The following RIMS2 variants were observed in gnomAD, a reference collection of about 807,000 sequenced individuals.
RIMS2 encodes regulating synaptic membrane exocytosis 2.
RIMS2 carries 59 observed loss-of-function variants against 174.4 expected under a neutral mutation model. The ratio of observed to expected loss-of-function variants is 0.34; its 90% CI spans 0.27 to 0.42. The LOEUF is 0.42. Among genes scored for constraint, RIMS2 ranks in the 10% least tolerant of loss-of-function variants. The pLI is 1.00. For synonymous variants in RIMS2, 606 were observed against 572.5 expected (o/e 1.06, Z -0.84); for missense variants, 1,620 against 1,666.3 (o/e 0.97, Z 0.48).
At chr8:103,566,568 G>A (rs905814786) in intron 1 of RIMS2, among the ~76,000 whole-genome samples, 15 of 152,182 alleles carry the variant, frequency 9.9e-5, no homozygotes, top group African/African-American at 3.6e-4. Flanking sequence ...TTCATATTTT[G>A]TAGTGAACAT....
intron 19 of RIMS2, among the ~76,000 whole-genome samples, chr8:104,241,510 A>G (rs1036834493): frequency 6.6e-6 from 1 of 152,170 alleles, no homozygotes; most frequent in Admixed American, 6.5e-5. Flanking sequence ...CCTTAAATTA[A>G]AAACTTTAGA....
chr8:103,803,876 G>A (rs1292043987), intron 3 of RIMS2, among the ~76,000 whole-genome samples: 4 of 152,094 alleles, frequency 2.6e-5, no homozygotes, highest in Non-Finnish European at 5.9e-5. Context: ...AGGAACTGAG[G>A]CATGCCAACA....
At chr8:104,254,150 C>T (rs1054754391), downstream of RIMS2, 3 of 151,880 alleles carry the variant, frequency 2.0e-5, no homozygotes, top group African/African-American at 4.8e-5. Context: ...AAGGACGTGA[C>T]TACGGAATAT....
At chr8:103,927,901 G>A in intron 11 of RIMS2, 1 of 1,603,084 alleles carries the variant, frequency 6.2e-7, no homozygotes, top group East Asian at 2.2e-5. Context: ...TAAAGGCCTT[G>A]TCTGCCTGAT....
intron 3 of RIMS2, among the ~76,000 whole-genome samples, chr8:103,838,209 G>C (rs1234381593): frequency 6.6e-6 from 1 of 152,144 alleles, no homozygotes; most frequent in Admixed American, 6.5e-5. Context: ...GCCTTCCAGA[G>C]TGCTGAGATT....
At chr8:103,809,359 C>T (rs1455753408) in intron 3 of RIMS2, among the ~76,000 whole-genome samples, 1 of 151,716 alleles carries the variant, frequency 6.6e-6, no homozygotes, top group Non-Finnish European at 1.5e-5. Context: ...CATTTCTAAT[C>T]TGAATTCTCA....
In RIMS2 at chr8:104,018,378, T is replaced by C. The variant is rs543742769; in HGVS notation, c.3334+3763T>C. 6.6e-5 allele frequency among the ~76,000 whole-genome samples: 10 copies of C among 152,304 alleles called. No individual in the cohort carries two copies. In the East Asian group the frequency reaches 1.7e-3, roughly 26 times the overall value. ...AGGCTCCAAATTTATAAATGCACAA[T>C]GAAGAATAGATTGTTTTTCACAACT... On this transcript the variant is annotated intron_variant, in intron 19 of 23. Coordinates refer to ENST00000504942, the Ensembl canonical transcript of RIMS2.
At chr8:103,959,953 C>A (rs887049865) in intron 14 of RIMS2, among the ~76,000 whole-genome samples, 1 of 151,976 alleles carries the variant, frequency 6.6e-6, no homozygotes, top group Non-Finnish European at 1.5e-5. Context: ...ACTAGAGAAG[C>A]AAGAGCAAAC....
chr8:104,081,828 A>T (rs2097425825), intron 19 of RIMS2, among the ~76,000 whole-genome samples: 1 of 152,082 alleles, frequency 6.6e-6, no homozygotes, highest in Admixed American at 6.6e-5. Context: ...TGAATGATTC[A>T]GTGATGAGGA....
At chr8:103,836,053 A>C (rs2098887116) in intron 3 of RIMS2, among the ~76,000 whole-genome samples, 1 of 152,198 alleles carries the variant, frequency 6.6e-6, no homozygotes, top group Non-Finnish European at 1.5e-5. Flanking sequence ...TTTACCTTCT[A>C]ACTGGGTGGG....
At chr8:103,709,597 T>C (rs1235344509) in intron 2 of RIMS2, among the ~76,000 whole-genome samples, 1 of 152,216 alleles carries the variant, frequency 6.6e-6, no homozygotes, top group African/African-American at 2.4e-5. Flanking sequence ...CTTTAACCAA[T>C]ATCCCATGAA....
chr8:103,558,142 T>C (rs912006093), intron 1 of RIMS2, among the ~76,000 whole-genome samples: 3 of 151,638 alleles, frequency 2.0e-5, no homozygotes, highest in Admixed American at 1.3e-4. Flanking sequence ...AGGCATTAAC[T>C]CAAAAAACAA....
chr8:103,571,625 T>A (rs911805656), intron 1 of RIMS2, among the ~76,000 whole-genome samples: 1 of 152,206 alleles, frequency 6.6e-6, no homozygotes, highest in African/African-American at 2.4e-5. Context: ...CATTTCTATT[T>A]TTGTGATTTA....
At chr8:103,859,176 T>C (rs2099044918) in intron 3 of RIMS2, among the ~76,000 whole-genome samples, 1 of 152,136 alleles carries the variant, frequency 6.6e-6, no homozygotes, top group Admixed American at 6.6e-5. Context: ...TTGGTCCCAA[T>C]ACTTTTCTCA....
At chr8:104,114,802 T>G (rs1693092760) in intron 19 of RIMS2, among the ~76,000 whole-genome samples, 1 of 151,990 alleles carries the variant, frequency 6.6e-6, no homozygotes, top group South Asian at 2.1e-4. Flanking sequence ...GTATTTTTAT[T>G]CAATTTTTAT....
intron 3 of RIMS2, among the ~76,000 whole-genome samples, chr8:103,769,917 A>G (rs1317450169): frequency 6.6e-6 from 1 of 152,246 alleles, no homozygotes; most frequent in Non-Finnish European, 1.5e-5. Flanking sequence ...ACTTTTAGTC[A>G]GGAAAGAAGT....
At chr8:104,028,781 G>A (rs1049395697) in intron 19 of RIMS2, among the ~76,000 whole-genome samples, 1 of 152,172 alleles carries the variant, frequency 6.6e-6, no homozygotes, top group Non-Finnish European at 1.5e-5. Flanking sequence ...TGTCATAGAG[G>A]TTATCAAGAT....
chr8:104,114,449 A>G (rs912630131), intron 19 of RIMS2, among the ~76,000 whole-genome samples: 1 of 152,006 alleles, frequency 6.6e-6, no homozygotes, highest in Non-Finnish European at 1.5e-5. Flanking sequence ...ATATGGAAAC[A>G]CAGAAAAAAG....
chr8:104,200,339 T>G (rs1023315827), intron 19 of RIMS2, among the ~76,000 whole-genome samples: 3 of 152,144 alleles, frequency 2.0e-5, no homozygotes, highest in African/African-American at 7.2e-5. Flanking sequence ...TCAGTTCACT[T>G]AAGAGTTTTT....
Sources: gnomAD v4.1 joint callset for allele counts (sites outside exome capture counted in the v4.1 genomes callset) on GRCh38, gnomAD v4.1.1 for gene constraint, MANE v1.5 for transcripts, NCBI Gene and HGNC (gene_info 2026-07-23, HGNC 2026-07-21) for gene names.